Variants in ERGIC1 observed in about 807,000 individuals in gnomAD.
The protein encoded by ERGIC1 is endoplasmic reticulum-Golgi intermediate compartment protein 1.
A neutral mutation model predicts 38.3 loss-of-function variants in ERGIC1; 19 were observed. The ratio of observed to expected loss-of-function variants is 0.50; its 90% CI spans 0.35 to 0.73. The LOEUF (loss-of-function observed/expected upper bound fraction) is 0.73, where lower values mean the gene tolerates loss of function less well. Among genes scored for constraint, ERGIC1 ranks in the 30% least tolerant of loss-of-function variants. ERGIC1 has a pLI of 0.01. For missense variants in ERGIC1, 294 were observed against 389.2 expected (o/e 0.76, Z 2.06); for synonymous variants, 124 against 157.6 (o/e 0.79, Z 1.60).
At chr5:172,835,930 T>G (rs1761023607) in intron 1 of ERGIC1, among the ~76,000 whole-genome samples, 1 of 152,228 alleles carries the variant, frequency 6.6e-6, no homozygotes, top group Non-Finnish European at 1.5e-5. Flanking sequence ...ATAAGAGCTG[T>G]GGTCGGCACA....
At chr5:172,893,587 G>GT (rs1009792637) in intron 2 of ERGIC1, among the ~76,000 whole-genome samples, 7 of 151,942 alleles carry the variant, frequency 4.6e-5, no homozygotes, top group African/African-American at 9.7e-5. Context: ...AAGCAAGGAT[G>GT]TTTTGCCTGC....
In ERGIC1 at chr5:172,869,332, C is replaced by G. The variant is rs560951371; in HGVS notation, c.21-19367C>G. Among the ~76,000 whole-genome samples, 3 of 152,362 alleles carry G rather than the reference C, an allele frequency of 2.0e-5. No individual in the cohort carries two copies. In the East Asian group the frequency reaches 5.8e-4, roughly 29 times the overall value. ...ATTCAGCTTCAGTTGAATGAGTGTC[C>G]TTTGGAAAAGTACATTTTGCTCAGG... On this transcript the variant is annotated intron_variant, in intron 1 of 9. Transcript: ENST00000393784.
chr5:172,888,553 G>A (rs1762477767), intron 1 of ERGIC1, 146 bp from the exon 2 acceptor site: 1 of 713,926 alleles, frequency 1.4e-6, no homozygotes, highest in Non-Finnish European at 2.6e-6. Context: ...GAAGCATCTT[G>A]GAGAAAGTGT....
At position 172,834,588 on chromosome 5, in the gene ERGIC1, C is replaced by CT. The variant is rs1012799754; in HGVS notation, c.20+155_20+156insT. 6.7e-5 allele frequency among the ~76,000 whole-genome samples: 9 copies of CT among 134,360 alleles called. No individual in the cohort carries two copies. The highest frequency in any genetic ancestry group is 4.8e-4 in the East Asian group (2 of 4,124). The allele number at this position is 134,360 out of a possible 152,430, so 88.1% of individuals were successfully genotyped here. A position where few individuals can be genotyped will look rare whatever the true frequency, so the allele number is the denominator to read the frequency against. On this transcript the variant is annotated intron_variant, in intron 1 of 9. Coordinates refer to ENST00000393784, the MANE Select transcript of ERGIC1 (RefSeq NM_001031711.3). This position sits in a 1 kb window ranked among gnomAD's most constrained non-coding sequence, Gnocchi z 4.1. ...CTAGGGACCCCAGGCGAGCCCCCCC[C>CT]CTGCCGCACACGAAGCCAGCCAGAG...
At chr5:172,904,944 C>T (rs1273849885) in intron 3 of ERGIC1, among the ~76,000 whole-genome samples, 6 of 152,180 alleles carry the variant, frequency 3.9e-5, no homozygotes, top group Admixed American at 6.5e-5. Flanking sequence ...TGCCCAGCAC[C>T]GCAGCCCCCT....
At chr5:172,895,657 T>A (rs1581551457) in intron 2 of ERGIC1, among the ~76,000 whole-genome samples, 1 of 151,258 alleles carries the variant, frequency 6.6e-6, no homozygotes, top group Admixed American at 6.6e-5. Context: ...GACAAAAGAG[T>A]GACCAGCTCC....
intron 1 of ERGIC1, among the ~76,000 whole-genome samples, chr5:172,885,829 A>G (rs1321193943): frequency 5.3e-5 from 8 of 152,092 alleles, no homozygotes; most frequent in Non-Finnish European, 2.9e-5. Flanking sequence ...TCTCCGCTCA[A>G]ATGGTCACCG....
In ERGIC1 at chr5:172,834,868, C is replaced by T. The variant is rs1365286692; in HGVS notation, c.20+435C>T. ...AATGAGTCCGGAGGGGCCTGGGGCCCCATGCAGCCTGCCGGCAGCTGGAGG... is the reference window on the plus strand; with the variant it reads ...AATGAGTCCGGAGGGGCCTGGGGCCTCATGCAGCCTGCCGGCAGCTGGAGG... On this transcript the variant is annotated intron_variant, in intron 1 of 9. Transcript: ENST00000393784. This position sits in a 1 kb window ranked among gnomAD's most constrained non-coding sequence, Gnocchi z 4.1. Among the ~76,000 whole-genome samples the T allele has an allele frequency of 6.6e-6, 1 of 152,188 alleles. No individual in the cohort carries two copies. The highest frequency in any genetic ancestry group is 2.4e-5 in the African/African-American group (1 of 41,438).
chr5:172,922,802 T>C (rs1763555025), intron 5 of ERGIC1, among the ~76,000 whole-genome samples: 1 of 151,748 alleles, frequency 6.6e-6, no homozygotes. Flanking sequence ...GGCAGAGGAG[T>C]GATGAGATCT....
intron 1 of ERGIC1, among the ~76,000 whole-genome samples, chr5:172,850,722 C>T (rs180799869): frequency 1.9e-4 from 29 of 152,246 alleles, no homozygotes; most frequent in Admixed American, 1.3e-4. Flanking sequence ...ATTTCAGTGT[C>T]GAACCCCTCT....
chr5:172,860,000 A>C (rs1761656109), intron 1 of ERGIC1, among the ~76,000 whole-genome samples: 1 of 152,254 alleles, frequency 6.6e-6, no homozygotes, highest in Admixed American at 6.5e-5. Context: ...TTCTGTAGAA[A>C]GTACTTGTCC....
chr5:172,932,727 T>C, intron 8 of ERGIC1, 191 bp downstream of exon 8: 1 of 606,018 alleles, frequency 1.7e-6, no homozygotes, highest in East Asian at 2.8e-5. Context: ...TGTGGCAGTC[T>C]CAGAGTCAAG....
At chr5:172,936,378 A>T (rs1235447672) in intron 9 of ERGIC1, 1 of 152,320 alleles carries the variant, frequency 6.6e-6, no homozygotes, top group East Asian at 1.9e-4. Flanking sequence ...TCACTGGCCC[A>T]GCTCAGGCCT....
chr5:172,914,254 A>AAAAAAATAAAT (rs796565475), intron 4 of ERGIC1, among the ~76,000 whole-genome samples: 1 of 131,236 alleles, frequency 7.6e-6, no homozygotes, highest in African/African-American at 2.9e-5. Flanking sequence ...AAAAAAAAAA[A>AAAAAAATAAAT]AAATACAAAG....
At chr5:172,902,084 T>TC (rs1472359623) in intron 3 of ERGIC1, among the ~76,000 whole-genome samples, 1 of 152,170 alleles carries the variant, frequency 6.6e-6, no homozygotes, top group Non-Finnish European at 1.5e-5. Flanking sequence ...GCTCAGCACC[T>TC]CCCCTCTGTT....
chr5:172,867,004 T>A (rs530894136), intron 1 of ERGIC1: 1 of 361,402 alleles, frequency 2.8e-6, no homozygotes, highest in South Asian at 2.0e-5. Flanking sequence ...CAGATGGAGA[T>A]GATGCAGATG....
intron 4 of ERGIC1, among the ~76,000 whole-genome samples, chr5:172,913,954 G>A (rs1217575331): frequency 6.6e-6 from 1 of 152,140 alleles, no homozygotes; most frequent in Non-Finnish European, 1.5e-5. Flanking sequence ...CTCTCTGAAG[G>A]CCAGGAACGG....
rs1030693719 is a variant in ERGIC1, at chr5:172,846,568, C to T, written c.20+12135C>T. ...CTAGGATTGCAGCTGATCTGGGTCCCCACTCCACAGTCTTTGGATTATGCC... is the reference window on the plus strand; with the variant it reads ...CTAGGATTGCAGCTGATCTGGGTCCTCACTCCACAGTCTTTGGATTATGCC... On this transcript the variant is annotated intron_variant, in intron 1 of 9. Coordinates refer to ENST00000393784, the MANE Select transcript of ERGIC1 (RefSeq NM_001031711.3). This position sits in a 1 kb window ranked among gnomAD's most constrained non-coding sequence, Gnocchi z 4.0. Among the ~76,000 whole-genome samples, 46 of 152,272 alleles carry T rather than the reference C, an allele frequency of 3.0e-4. No individual in the cohort carries two copies. Among genetic ancestry groups the T allele is most frequent in the Non-Finnish European group, 5.9e-4 (40 of 68,020 alleles).
chr5:172,897,441 A>AG (rs1202366940), intron 3 of ERGIC1, among the ~76,000 whole-genome samples: 3 of 119,502 alleles, frequency 2.5e-5, no homozygotes, highest in Non-Finnish European at 5.2e-5. Flanking sequence ...AAAAAAAAAA[A>AG]AAAGAGAGAG....
Sources: allele counts gnomAD v4.1 joint callset (sites outside exome capture counted in the v4.1 genomes callset), GRCh38; gene constraint gnomAD v4.1.1; non-coding constraint Gnocchi (gnomAD v3.1); transcripts MANE v1.5; gene names NCBI Gene and HGNC (gene_info 2026-07-23, HGNC 2026-07-21).